OR2L13: variants seen among roughly 807,000 people sequenced by gnomAD.
The protein encoded by OR2L13 is olfactory receptor family 2 subfamily L member 13, also known as olfactory receptor 2L13.
A neutral mutation model predicts 15.3 loss-of-function variants in OR2L13; 14 were observed. The observed-to-expected ratio is 0.91, with a 90% CI of 0.60 to 1.43. The LOEUF (loss-of-function observed/expected upper bound fraction) is 1.43. OR2L13 is among the 40% of genes most tolerant of loss of function. The pLI, the probability that OR2L13 is intolerant of heterozygous loss-of-function variation, is 0.00. For missense variants in OR2L13, 367 were observed against 387.9 expected (o/e 0.95, Z 0.45); for synonymous variants, 152 against 142.9 (o/e 1.06, Z -0.45).
the OR2L13 span, among the ~76,000 whole-genome samples, chr1:248,005,894 G>C: frequency 3.3e-5 from 5 of 152,174 alleles, no homozygotes; most frequent in African/African-American, 7.2e-5. Context: ...ATGAATCAGA[G>C]TAAGTCTTTG....
the OR2L13 span, chr1:247,966,162 A>G: frequency 6.2e-7 from 1 of 1,614,026 alleles, no homozygotes; most frequent in Non-Finnish European, 8.5e-7. Flanking sequence ...ACACAAGGCC[A>G]CACTCCTTGC....
the OR2L13 span, among the ~76,000 whole-genome samples, chr1:247,998,217 C>T: frequency 6.6e-6 from 1 of 152,088 alleles, no homozygotes; most frequent in Admixed American, 6.5e-5. Flanking sequence ...CTTTCTGTAA[C>T]ACGTCAGCAG....
chr1:248,029,640 T>C, the OR2L13 span, among the ~76,000 whole-genome samples: 1 of 152,172 alleles, frequency 6.6e-6, no homozygotes, highest in Non-Finnish European at 1.5e-5. Context: ...CTTAATAATT[T>C]CTACTTATGT....
At chr1:247,962,527 T>C in the OR2L13 span, among the ~76,000 whole-genome samples, 1 of 152,248 alleles carries the variant, frequency 6.6e-6, no homozygotes. Flanking sequence ...ATCTCATAAG[T>C]ATTGAATGGT....
the OR2L13 span, among the ~76,000 whole-genome samples, chr1:248,077,346 G>T: frequency 6.6e-6 from 1 of 152,166 alleles, no homozygotes; most frequent in Non-Finnish European, 1.5e-5. Context: ...TCAGGATGAT[G>T]TTGGCCTCAT....
the OR2L13 span, among the ~76,000 whole-genome samples, chr1:247,993,083 G>T: frequency 2.6e-5 from 4 of 152,016 alleles, no homozygotes; most frequent in African/African-American, 4.8e-5. Context: ...GGTATAAAAT[G>T]GTCTCTCATT....
At chr1:248,046,373 A>G in the OR2L13 span, among the ~76,000 whole-genome samples, 2 of 152,342 alleles carry the variant, frequency 1.3e-5, no homozygotes, top group South Asian at 4.1e-4. Context: ...TACTGCCAAT[A>G]TAAACCAAAC....
chr1:247,967,371 G>C, the OR2L13 span, among the ~76,000 whole-genome samples: 1 of 151,986 alleles, frequency 6.6e-6, no homozygotes, highest in South Asian at 2.1e-4. Flanking sequence ...TGAGATTACA[G>C]GCACCCGCCA....
chr1:248,048,110 C>T, the OR2L13 span, among the ~76,000 whole-genome samples: 1 of 152,174 alleles, frequency 6.6e-6, no homozygotes, highest in Non-Finnish European at 1.5e-5. Flanking sequence ...CTTTCATAAT[C>T]AGTTTCTGTC....
chr1:247,990,680 G>C, the OR2L13 span: 1 of 1,530,644 alleles, frequency 6.5e-7, no homozygotes, highest in East Asian at 2.3e-5. Flanking sequence ...ATGAGAAAAA[G>C]AGTGTGTGCA....
chr1:248,015,850 A>C, the OR2L13 span, among the ~76,000 whole-genome samples: 29 of 152,316 alleles, frequency 1.9e-4, no homozygotes, highest in African/African-American at 6.3e-4. Flanking sequence ...CATATTTTGT[A>C]ATGAATAATG....
the OR2L13 span, chr1:248,021,932 A>T: frequency 1.3e-5 from 20 of 1,596,020 alleles, no homozygotes; most frequent in Non-Finnish European, 1.7e-5. Context: ...TTCAGGAAGG[A>T]TCGTATGAAT....
the OR2L13 span, among the ~76,000 whole-genome samples, chr1:248,078,062 T>A: frequency 6.6e-6 from 1 of 152,228 alleles, no homozygotes; most frequent in African/African-American, 2.4e-5. Flanking sequence ...AATATATTTT[T>A]ATAATTAAAA....
the OR2L13 span, among the ~76,000 whole-genome samples, chr1:247,952,856 G>T: frequency 2.0e-5 from 3 of 152,144 alleles, no homozygotes; most frequent in African/African-American, 7.2e-5. Context: ...ATGGCCTTGG[G>T]GAAATCATTC....
the OR2L13 span, among the ~76,000 whole-genome samples, chr1:247,987,058 T>C: frequency 6.6e-6 from 1 of 152,094 alleles, no homozygotes; most frequent in Non-Finnish European, 1.5e-5. Context: ...TTTTTTTTGA[T>C]ACTATTGTAA....
chr1:247,963,268 A>G, the OR2L13 span, among the ~76,000 whole-genome samples: 1 of 152,262 alleles, frequency 6.6e-6, no homozygotes, highest in East Asian at 1.9e-4. Flanking sequence ...AGGGGTCCTC[A>G]CCTTTTCAGA....
chr1:247,981,116 G>GT, the OR2L13 span, among the ~76,000 whole-genome samples: 2 of 152,156 alleles, frequency 1.3e-5, no homozygotes, highest in Admixed American at 1.3e-4. Flanking sequence ...ACCAACAGTG[G>GT]TTTTGCTGCT....
chr1:247,966,843 G>C, the OR2L13 span, among the ~76,000 whole-genome samples: 4 of 152,030 alleles, frequency 2.6e-5, no homozygotes, highest in Non-Finnish European at 5.9e-5. Flanking sequence ...TATTAATATT[G>C]AATAATGTAT....
chr1:248,065,246 TTCATGTCC>T, the OR2L13 span, among the ~76,000 whole-genome samples: 1 of 152,178 alleles, frequency 6.6e-6, no homozygotes, highest in African/African-American at 2.4e-5. Context: ...CTTTAATTCT[TTCATGTCC>T]TCAGGCTAGA....
Sources: gnomAD v4.1 joint callset for allele counts (sites outside exome capture counted in the v4.1 genomes callset) on GRCh38, gnomAD v4.1.1 for gene constraint, MANE v1.5 for transcripts, NCBI Gene and HGNC (gene_info 2026-07-23, HGNC 2026-07-21) for gene names.